BTG4: variants seen among roughly 807,000 people sequenced by gnomAD.
The protein encoded by BTG4 is protein BTG4.
A neutral mutation model predicts 19.3 loss-of-function variants in BTG4; 10 were observed. The observed-to-expected ratio is 0.52, with a 90% CI of 0.32 to 0.88. The LOEUF is 0.88. Ranked by LOEUF, BTG4 falls within the 40% of genes least tolerant of loss-of-function variation. The probability of loss-of-function intolerance (pLI) is 0.04; values close to 1 mark genes in which losing one functional copy is unlikely to be tolerated. For missense variants in BTG4, 238 were observed against 281.9 expected (o/e 0.84, Z 1.11); for synonymous variants, 91 against 95.7 (o/e 0.95, Z 0.29).
intron 2 of BTG4, 137 bp downstream of exon 2, chr11:111,498,467 C>A (rs1591518874): frequency 5.2e-6 from 4 of 765,662 alleles, no homozygotes; most frequent in Non-Finnish European, 8.4e-6. Flanking sequence ...CTTTCAATTC[C>A]ACGTTCAAAC....
chr11:111,385,085 A>T, the BTG4 span: 1 of 151,544 alleles, frequency 6.6e-6, no homozygotes, highest in African/African-American at 2.4e-5. Context: ...TACAAAAAAA[A>T]ATTTTTTTAT....
upstream of BTG4, chr11:111,513,100 G>GCGGCGT (rs1340618996): frequency 2.3e-6 from 1 of 428,722 alleles, no homozygotes; most frequent in Non-Finnish European, 5.0e-6. Context: ...CCTGAGAAGC[G>GCGGCGT]CGGCGTCGGC....
rs761728926 is a variant in BTG4, at chr11:111,497,279, C to T, written c.442G>A (p.Asp148Asn). ...GGTTCCTTGCTACAACTTTCTTCAT[C>T]GCAGGAAGTGCCAGAGGAAACGTCT... is the stretch of plus-strand genomic sequence containing the variant. Reference protein sequence around the residue: ...SSDVSSGTSCDEESCSKEPRV... With the variant: ...SSDVSSGTSCNEESCSKEPRV... Residue 148 changes from aspartate (D) to asparagine (N), a missense_variant, in exon 4 of 5, where the codon GAT (aspartate) becomes AAT (asparagine). By Grantham distance (23) the Asp-to-Asn change is conservative. Coordinates refer to ENST00000692032, the MANE Select transcript of BTG4 (RefSeq NM_001367975.1). 3.1e-6 allele frequency: 5 copies of T among 1,611,450 alleles called. No homozygotes were observed. The highest frequency in any genetic ancestry group is 2.2e-5 in the East Asian group (1 of 44,822).
At chr11:111,439,117 A>T in the BTG4 span, among the ~76,000 whole-genome samples, 1 of 152,216 alleles carries the variant, frequency 6.6e-6, no homozygotes, top group Non-Finnish European at 1.5e-5. Context: ...GGTGATTTGC[A>T]TATAATCACA....
intron 5 of BTG4, among the ~76,000 whole-genome samples, chr11:111,484,476 TGAAA>T (rs1258276886): frequency 6.6e-6 from 1 of 152,074 alleles, no homozygotes; most frequent in Non-Finnish European, 1.5e-5. Context: ...GATCAAAAAG[TGAAA>T]GCAGGGGGTA....
intron 5 of BTG4, among the ~76,000 whole-genome samples, chr11:111,478,803 A>G (rs1864553940): frequency 6.6e-6 from 1 of 152,104 alleles, no homozygotes; most frequent in African/African-American, 2.4e-5. Flanking sequence ...AACAATCAAA[A>G]ATTATTTAAT....
intron 1 of BTG4, among the ~76,000 whole-genome samples, chr11:111,499,025 G>T (rs1194461072): frequency 6.7e-6 from 1 of 149,364 alleles, no homozygotes; most frequent in African/African-American, 2.5e-5. Context: ...GGTTTTCAAA[G>T]GAAAAAAAAA....
chr11:111,419,008 T>G, the BTG4 span, among the ~76,000 whole-genome samples: 1 of 152,220 alleles, frequency 6.6e-6, no homozygotes, highest in Non-Finnish European at 1.5e-5. Context: ...CCTTCTCTCT[T>G]TGTCTTCATA....
At chr11:111,420,584 G>A in the BTG4 span, among the ~76,000 whole-genome samples, 2 of 152,238 alleles carry the variant, frequency 1.3e-5, no homozygotes, top group Non-Finnish European at 1.5e-5. Flanking sequence ...GGAGCTGTAT[G>A]TAGAGCTACT....
At chr11:111,446,468 C>T in the BTG4 span, among the ~76,000 whole-genome samples, 3 of 152,162 alleles carry the variant, frequency 2.0e-5, no homozygotes, top group Non-Finnish European at 4.4e-5. Flanking sequence ...TCTTGGGCCC[C>T]ACCCCAGATC....
At chr11:111,415,776 C>A in the BTG4 span, 1 of 152,558 alleles carries the variant, frequency 6.6e-6, no homozygotes, top group South Asian at 2.0e-4. Flanking sequence ...TGCAGTGGCT[C>A]ATGCCTGTAA....
intron 2 of BTG4, 34 bp downstream of exon 2, chr11:111,498,570 G>A: frequency 6.4e-7 from 1 of 1,569,486 alleles, no homozygotes; most frequent in Non-Finnish European, 8.7e-7. Flanking sequence ...CTTGGTGATT[G>A]CTTCCCTTTG....
the BTG4 span, among the ~76,000 whole-genome samples, chr11:111,413,441 GACTC>G: frequency 6.6e-6 from 1 of 152,260 alleles, no homozygotes; most frequent in Admixed American, 6.5e-5. Context: ...CATAGCAGTA[GACTC>G]TGAACACACA....
At chr11:111,466,669 GT>G (rs1863740057), downstream of BTG4, 3 of 152,728 alleles carry the variant, frequency 2.0e-5, no homozygotes, top group African/African-American at 7.2e-5. Flanking sequence ...ATTGAGTTGT[GT>G]TGTTAACATA....
chr11:111,428,000 C>T, the BTG4 span, among the ~76,000 whole-genome samples: 1 of 152,142 alleles, frequency 6.6e-6, no homozygotes, highest in Middle Eastern at 3.4e-3. Context: ...TCCTGCTTGC[C>T]GACAAGCCCC....
At chr11:111,513,662 T>A, upstream of BTG4, 1 of 359,284 alleles carries the variant, frequency 2.8e-6, no homozygotes, top group South Asian at 2.1e-5. Context: ...TTACAATGTA[T>A]GTAATGTGTA....
chr11:111,451,030 T>A, the BTG4 span: 1 of 179,434 alleles, frequency 5.6e-6, no homozygotes, highest in Non-Finnish European at 1.2e-5. Context: ...ATCTTGGGGA[T>A]CTGCTGCCCC....
chr11:111,503,849 C>T (rs919250955), intron 1 of BTG4, among the ~76,000 whole-genome samples: 5 of 152,024 alleles, frequency 3.3e-5, no homozygotes, highest in Non-Finnish European at 4.4e-5. Context: ...TAGTCAAGCC[C>T]CAAAGTTCAT....
the BTG4 span, chr11:111,460,176 G>A: frequency 6.6e-6 from 1 of 152,506 alleles, no homozygotes; most frequent in African/African-American, 2.4e-5. Flanking sequence ...CCCATCTCTG[G>A]TTTCTAAAGC....
Sources: gnomAD v4.1 joint callset for allele counts (sites outside exome capture counted in the v4.1 genomes callset) on GRCh38, gnomAD v4.1.1 for gene constraint, MANE v1.5 for transcripts, NCBI Gene and HGNC (gene_info 2026-07-23, HGNC 2026-07-21) for gene names.